Variants in UVRAG observed in about 807,000 individuals in gnomAD.
UVRAG encodes UV radiation resistance associated.
Under a neutral mutation model 78.0 loss-of-function variants are expected in UVRAG, and 19 were observed. The ratio of observed to expected loss-of-function variants is 0.24; its 90% CI spans 0.17 to 0.36. The LOEUF is 0.36. UVRAG is among the 10% of genes least tolerant of loss of function. The pLI is 1.00. For synonymous variants in UVRAG, 323 were observed against 324.6 expected (o/e 1.00, Z 0.05); for missense variants, 740 against 853.8 (o/e 0.87, Z 1.66).
chr11:75,971,489 T>C (rs536797735), intron 7 of UVRAG, among the ~76,000 whole-genome samples: 2 of 152,354 alleles, frequency 1.3e-5, no homozygotes, highest in African/African-American at 4.8e-5. Context: ...TTGTTCCATA[T>C]CTTTGCCAGC....
At chr11:75,829,520 G>A (rs1042564131) in intron 1 of UVRAG, among the ~76,000 whole-genome samples, 1 of 152,198 alleles carries the variant, frequency 6.6e-6, no homozygotes, top group African/African-American at 2.4e-5. Context: ...TTGCACAAAT[G>A]TGAATGCTTG....
intron 3 of UVRAG, among the ~76,000 whole-genome samples, chr11:75,872,713 CA>C (rs1180480641): frequency 2.0e-5 from 3 of 152,114 alleles, no homozygotes; most frequent in Admixed American, 6.6e-5. Context: ...GAGTCAGTGT[CA>C]GATATTGACT....
At chr11:75,823,245 A>G (rs1453958850) in intron 1 of UVRAG, among the ~76,000 whole-genome samples, 1 of 152,204 alleles carries the variant, frequency 6.6e-6, no homozygotes, top group East Asian at 1.9e-4. Context: ...TTTCTCTGCT[A>G]TAAGGTTACT....
chr11:76,087,645 A>G (rs1348855799), intron 13 of UVRAG, among the ~76,000 whole-genome samples: 3 of 152,200 alleles, frequency 2.0e-5, no homozygotes, highest in African/African-American at 7.2e-5. Context: ...TTATAAATGA[A>G]GGATCAAGAT....
chr11:75,831,842 C>T (rs571816754), intron 1 of UVRAG, among the ~76,000 whole-genome samples: 26 of 152,150 alleles, frequency 1.7e-4, no homozygotes, highest in African/African-American at 2.9e-4. Flanking sequence ...TCTCGAACAC[C>T]GTAGCTTAGC....
intron 6 of UVRAG, among the ~76,000 whole-genome samples, chr11:75,956,518 T>TGGGACTACGGGCGTATGCC (rs1175979563): frequency 1.3e-5 from 2 of 152,028 alleles, no homozygotes; most frequent in Non-Finnish European, 2.9e-5. Context: ...CCCAAGTAGC[T>TGGGACTACGGGCGTATGCC]GGGACTACGG....
intron 6 of UVRAG, among the ~76,000 whole-genome samples, chr11:75,913,419 T>C (rs187845964): frequency 5.3e-4 from 81 of 152,260 alleles, no homozygotes; most frequent in African/African-American, 1.9e-3. Flanking sequence ...TGTGAAGCAG[T>C]GTGGTATCAT....
At position 76,028,890 on chromosome 11, in the gene UVRAG, T is replaced by G. The variant is rs145846623; in HGVS notation, c.1226+11910T>G. Among the ~76,000 whole-genome samples, 615 of 152,248 alleles carry G rather than the reference T, an allele frequency of 4.0e-3. 3 individuals are homozygous for G. The highest frequency in any genetic ancestry group is 0.014 in the African/African-American group (591 of 41,552). On this transcript the variant is annotated intron_variant, in intron 12 of 14. Coordinates refer to ENST00000356136, the MANE Select transcript of UVRAG (RefSeq NM_003369.4). Reference sequence around the variant, plus strand: ...AGAGTATTGATGCAGGTGGCTACACTAAACAACAGATTTTCAAGGTAGACA... The same window carrying G: ...AGAGTATTGATGCAGGTGGCTACACGAAACAACAGATTTTCAAGGTAGACA...
chr11:76,007,054 C>T (rs931374607), intron 9 of UVRAG, among the ~76,000 whole-genome samples: 2 of 152,076 alleles, frequency 1.3e-5, no homozygotes, highest in Admixed American at 1.3e-4. Flanking sequence ...GCTCTGGTGC[C>T]TAGGCTGGAG....
chr11:75,976,642 A>G (rs1302813387), intron 7 of UVRAG, among the ~76,000 whole-genome samples: 1 of 151,934 alleles, frequency 6.6e-6, no homozygotes, highest in African/African-American at 2.4e-5. Context: ...TAGATTTTCT[A>G]GTTTATTTAC....
At chr11:76,016,669 G>A in intron 11 of UVRAG, 146 bp from the exon 12 acceptor site, 1 of 696,404 alleles carries the variant, frequency 1.4e-6, no homozygotes, top group Non-Finnish European at 2.1e-6. Context: ...GTTTACATTT[G>A]CATAAAATTT....
intron 1 of UVRAG, among the ~76,000 whole-genome samples, chr11:75,832,170 T>TC (rs550297327): frequency 1.6e-4 from 25 of 152,270 alleles, no homozygotes; most frequent in African/African-American, 5.8e-4. Context: ...TGTTGGGTTT[T>TC]CCCCCCAACA....
chr11:76,138,865 C>G (rs568742292), intron 14 of UVRAG, among the ~76,000 whole-genome samples: 1 of 152,288 alleles, frequency 6.6e-6, no homozygotes, highest in South Asian at 2.1e-4. Context: ...AGTCAACCTG[C>G]AAGATGATTT....
Position 75,965,102 on chromosome 11 carries a change from A to G in UVRAG, c.699+3553A>G, listed in dbSNP as rs1265157446. Among the ~76,000 whole-genome samples the G allele has an allele frequency of 7.2e-5, 11 of 152,220 alleles. No individual in the cohort carries two copies. The East Asian group carries it at 1.9e-3, about 27-fold the overall frequency. ...TTTATATTTCCAACTGAATTTGGGA[A>G]TCAGTTTGTCAATTTCTACACACAC... On this transcript the variant is annotated intron_variant, in intron 7 of 14. Coordinates refer to ENST00000356136, the MANE Select transcript of UVRAG (RefSeq NM_003369.4).
chr11:76,090,694 G>T (rs532287882), intron 13 of UVRAG, among the ~76,000 whole-genome samples: 1 of 152,154 alleles, frequency 6.6e-6, no homozygotes, highest in South Asian at 2.1e-4. Flanking sequence ...TTCCTTTGGA[G>T]CTTATTTTCT....
intron 12 of UVRAG, among the ~76,000 whole-genome samples, chr11:76,055,522 T>C (rs1591182990): frequency 1.3e-5 from 2 of 152,342 alleles, no homozygotes; most frequent in East Asian, 1.9e-4. Flanking sequence ...ACCTGTGTTA[T>C]TGTATCTTTC....
intron 12 of UVRAG, among the ~76,000 whole-genome samples, chr11:76,023,929 T>G (rs1025641281): frequency 6.6e-6 from 1 of 152,140 alleles, no homozygotes; most frequent in Non-Finnish European, 1.5e-5. Context: ...TTTGGTTTGT[T>G]TAATGATGAA....
chr11:75,852,645 C>G (rs1946180186), intron 2 of UVRAG, among the ~76,000 whole-genome samples: 1 of 152,142 alleles, frequency 6.6e-6, no homozygotes, highest in South Asian at 2.1e-4. Flanking sequence ...TACTTCCGTA[C>G]TAGTTCTAGC....
intron 1 of UVRAG, among the ~76,000 whole-genome samples, chr11:75,826,185 C>A (rs893295393): frequency 7.3e-5 from 11 of 149,732 alleles, no homozygotes; most frequent in Admixed American, 3.4e-4. Context: ...AAGACGGAGT[C>A]TTGCTCTGTC....
Sources: allele counts gnomAD v4.1 joint callset (sites outside exome capture counted in the v4.1 genomes callset), GRCh38; gene constraint gnomAD v4.1.1; transcripts MANE v1.5; gene names NCBI Gene and HGNC (gene_info 2026-07-23, HGNC 2026-07-21).